Variants in SHCBP1 observed in about 807,000 individuals in gnomAD.
SHCBP1 encodes SHC SH2 domain-binding protein 1.
A neutral mutation model predicts 75.1 loss-of-function variants in SHCBP1; 60 were observed. The ratio of observed to expected loss-of-function variants is 0.80; its 90% CI spans 0.65 to 0.99. SHCBP1 has a LOEUF of 0.99. Among genes scored for constraint, SHCBP1 ranks in the 50% least tolerant of loss-of-function variants. The pLI is 0.00. For synonymous variants in SHCBP1, 290 were observed against 293.2 expected (o/e 0.99, Z 0.11); for missense variants, 709 against 809.4 (o/e 0.88, Z 1.50).
At chr16:46,613,672 G>A (rs889381226) in intron 4 of SHCBP1, among the ~76,000 whole-genome samples, 32 of 152,100 alleles carry the variant, frequency 2.1e-4, no homozygotes, top group Admixed American at 2.1e-3. Context: ...AGGACACTCT[G>A]TAATTCATCA....
intron 9 of SHCBP1, 39 bp downstream of exon 9, chr16:46,599,792 T>G (rs1965203044): frequency 6.5e-7 from 1 of 1,537,972 alleles, no homozygotes; most frequent in Non-Finnish European, 8.7e-7. Context: ...TACCTTCAAA[T>G]CTTAGAACAA....
At chr16:46,604,517 A>G in intron 5 of SHCBP1, 56 bp from the exon 6 acceptor site, 1 of 1,260,398 alleles carries the variant, frequency 7.9e-7, no homozygotes, top group Non-Finnish European at 1.1e-6. Context: ...TTTTCCTATC[A>G]TTAAAACAGC....
intron 4 of SHCBP1, among the ~76,000 whole-genome samples, chr16:46,611,191 C>T (rs1965410557): frequency 6.6e-6 from 1 of 152,230 alleles, no homozygotes; most frequent in Admixed American, 6.5e-5. Flanking sequence ...CTCCTGTCCA[C>T]AGCTGGTTCC....
chr16:46,600,747 G>A (rs1006560664), intron 8 of SHCBP1, among the ~76,000 whole-genome samples: 3 of 152,130 alleles, frequency 2.0e-5, no homozygotes, highest in East Asian at 1.9e-4. Context: ...GTACGGTGGC[G>A]CACGCCTGTA....
In SHCBP1 at chr16:46,602,222, T is replaced by C. The variant is rs184118192; in HGVS notation, c.1213+1317A>G. On this transcript the variant is annotated intron_variant, in intron 8 of 12. Coordinates refer to ENST00000303383, the MANE Select transcript of SHCBP1 (RefSeq NM_024745.5). ...ACTATGCCAAAAAATAAAGTGTTTT[T>C]ATCACAGTGATTTATCTTGCAGATG... Among the ~76,000 whole-genome samples, 38 of 152,370 alleles carry C rather than the reference T, an allele frequency of 2.5e-4. No homozygotes were observed. The East Asian group carries it at 7.1e-3, about 29-fold the overall frequency.
intron 10 of SHCBP1, among the ~76,000 whole-genome samples, chr16:46,587,178 G>A (rs1461755705): frequency 6.6e-6 from 1 of 152,032 alleles, no homozygotes; most frequent in Admixed American, 6.6e-5. Context: ...AAAAGGAGAT[G>A]GTAGAGAATA....
chr16:46,621,318 C>G lies in SHCBP1; in HGVS notation c.42G>C (p.Ala14=). 4 of 1,611,480 alleles carry G rather than the reference C, an allele frequency of 2.5e-6. No homozygotes were observed. The highest frequency in any genetic ancestry group is 3.4e-6 in the Non-Finnish European group (4 of 1,179,294). ...GSLTGGGLEA[A]AMAPERMGWA... ...AGCCCATGCGCTCCGGCGCCATGGC[C>G]GCTGCCTCCAGACCGCCGCCCGTCA... is the stretch of plus-strand genomic sequence containing the variant. Residue 14 remains alanine (A), a synonymous_variant, in exon 1 of 13, where the codon GCG becomes GCC. Transcript: ENST00000303383.
At chr16:46,586,975 T>C (rs1189772574) in intron 10 of SHCBP1, among the ~76,000 whole-genome samples, 1 of 150,890 alleles carries the variant, frequency 6.6e-6, no homozygotes, top group Non-Finnish European at 1.5e-5. Context: ...AAAAAAGAAA[T>C]GATAAAAGAG....
rs755748013 is a variant in SHCBP1, at chr16:46,617,521, G to A, written c.387+113C>T. On this transcript the variant is annotated intron_variant, in intron 3 of 12. Coordinates refer to ENST00000303383, the MANE Select transcript of SHCBP1 (RefSeq NM_024745.5). ...CATGGCAATTAGATGTGAAAAACAT[G>A]CTATTTGAATCAGCTCATAAACTTT... 5.5e-6 allele frequency: 4 copies of A among 725,144 alleles called. No individual in the cohort carries two copies. The South Asian group carries it at 6.3e-5, about 11-fold the overall frequency. The allele number at this position is 725,144 out of a possible 1,614,324, so 44.9% of individuals were successfully genotyped here. A position where few individuals can be genotyped will look rare whatever the true frequency, so the allele number is the denominator to read the frequency against.
At chr16:46,595,751 G>T in intron 9 of SHCBP1, 81 bp from the exon 10 acceptor site, 2 of 912,182 alleles carry the variant, frequency 2.2e-6, no homozygotes, top group Non-Finnish European at 3.4e-6. Flanking sequence ...GCTGACATTA[G>T]CTATGGTCTA....
chr16:46,584,871 G>A (rs941948815), intron 10 of SHCBP1, among the ~76,000 whole-genome samples: 3 of 152,222 alleles, frequency 2.0e-5, no homozygotes, highest in African/African-American at 7.2e-5. Context: ...AAGAGTTGCT[G>A]TAACCATTGA....
rs781332172 is a variant in SHCBP1, at chr16:46,618,353, A to T, written c.123T>A (p.Asp41Glu). 28 of 1,599,318 alleles carry T rather than the reference A, an allele frequency of 1.8e-5. No individual in the cohort carries two copies. In the Admixed American group the frequency reaches 5.0e-4, roughly 28 times the overall value. ...SLEKGLFQDE[D>E]SCSDCSYRDK... ...CACGGTAGCTACAATCACTGCATGA[A>T]TCTTCATCTTGGAACAAACCTAAAA... is the stretch of plus-strand genomic sequence containing the variant. The change falls in exon 2 of 13, where the codon GAT becomes GAA. Residue 41 changes from aspartate to glutamate, a missense_variant. By Grantham distance (45) the Asp-to-Glu change is conservative. Coordinates refer to ENST00000303383, the MANE Select transcript of SHCBP1 (RefSeq NM_024745.5).
intron 8 of SHCBP1, among the ~76,000 whole-genome samples, chr16:46,603,304 A>C (rs1965271375): frequency 6.6e-6 from 1 of 152,084 alleles, no homozygotes; most frequent in East Asian, 1.9e-4. Context: ...TTTTTTCTAT[A>C]TGAGCCTGTG....
Position 46,616,228 on chromosome 16 carries a change from C to T in SHCBP1, c.388-74G>A. The T allele has an allele frequency of 2.0e-6, 3 of 1,466,864 alleles. No individual in the cohort carries two copies. The highest frequency in any genetic ancestry group is 2.8e-6 in the Non-Finnish European group (3 of 1,073,546). 90.9% of individuals were successfully genotyped at this position (1,466,864 alleles called of 1,614,324 possible). Reference sequence around the variant, plus strand: ...TACACCTATAAGACACTACTGACAACCTGATTTTTTTAAAAGCATACAACA... The same window carrying T: ...TACACCTATAAGACACTACTGACAATCTGATTTTTTTAAAAGCATACAACA... On this transcript the variant is annotated intron_variant, in intron 3 of 12. Coordinates refer to ENST00000303383, the MANE Select transcript of SHCBP1 (RefSeq NM_024745.5). The surrounding 1 kb of genome is among the most constrained non-coding windows in gnomAD (Gnocchi z 4.4).
At chr16:46,588,967 TC>T (rs1475223235) in intron 10 of SHCBP1, among the ~76,000 whole-genome samples, 1 of 152,194 alleles carries the variant, frequency 6.6e-6, no homozygotes, top group African/African-American at 2.4e-5. Flanking sequence ...AAAAAGCTTA[TC>T]CACCATGATC....
intron 8 of SHCBP1, among the ~76,000 whole-genome samples, chr16:46,602,924 C>G (rs1012697758): frequency 1.3e-5 from 2 of 152,226 alleles, no homozygotes; most frequent in Non-Finnish European, 2.9e-5. Context: ...AGCCACCACA[C>G]CCAGCCCAAA....
intron 10 of SHCBP1, among the ~76,000 whole-genome samples, chr16:46,593,118 T>G (rs1279857830): frequency 2.0e-5 from 3 of 151,390 alleles, no homozygotes; most frequent in Admixed American, 6.6e-5. Flanking sequence ...TTCTAGCCAG[T>G]GCAATAAGGC....
At chr16:46,587,147 CA>C (rs1322704802) in intron 10 of SHCBP1, among the ~76,000 whole-genome samples, 4 of 151,916 alleles carry the variant, frequency 2.6e-5, no homozygotes, top group African/African-American at 9.7e-5. Flanking sequence ...GTACATAAGG[CA>C]AATGTTTAAG....
intron 4 of SHCBP1, among the ~76,000 whole-genome samples, chr16:46,609,127 C>T (rs1193949626): frequency 6.6e-6 from 1 of 152,148 alleles, no homozygotes; most frequent in Non-Finnish European, 1.5e-5. Flanking sequence ...CACGTAAGGA[C>T]ATAATCATAA....
Sources: gnomAD v4.1 joint callset for allele counts (sites outside exome capture counted in the v4.1 genomes callset) on GRCh38, gnomAD v4.1.1 for gene constraint, Gnocchi (gnomAD v3.1) non-coding constraint, MANE v1.5 for transcripts, NCBI Gene and HGNC (gene_info 2026-07-23, HGNC 2026-07-21) for gene names.